Variants in HTR2C observed in about 807,000 individuals in gnomAD.
HTR2C encodes the protein 5-hydroxytryptamine receptor 2C.
Under a neutral mutation model 21.0 loss-of-function variants are expected in HTR2C, and 5 were observed. The ratio of observed to expected loss-of-function variants is 0.24; its 90% CI spans 0.12 to 0.50. The LOEUF is 0.50. HTR2C is among the 20% of genes least tolerant of loss of function. HTR2C has a pLI of 0.98. For synonymous variants in HTR2C, 150 were observed against 145.3 expected, an observed-to-expected ratio of 1.03 and a Z score of -0.23; for missense variants, 271 against 371.2, an observed-to-expected ratio of 0.73 and a Z score of 2.22.
chrX:114,632,001 C>T (rs1033358057), intron 2 of HTR2C, among the ~76,000 whole-genome samples: 2 of 111,960 alleles, frequency 1.8e-5, no homozygotes, highest in Non-Finnish European at 3.8e-5. Context: ...ATCCCAGTGC[C>T]TTTCATAAAG....
intron 2 of HTR2C, among the ~76,000 whole-genome samples, chrX:114,709,375 G>T (rs1487509158): frequency 1.1e-4 from 12 of 111,778 alleles, no homozygotes; most frequent in African/African-American, 3.9e-4. Context: ...TGGTTGATGG[G>T]ATTATCTCTG....
chrX:114,823,029 A>T (rs2070648354), intron 4 of HTR2C, among the ~76,000 whole-genome samples: 1 of 111,327 alleles, frequency 9.0e-6, no homozygotes, highest in Admixed American at 9.6e-5. Context: ...TTTGGTAAAA[A>T]GTGTGTGCAG....
At chrX:114,787,660 A>G (rs937550056) in intron 4 of HTR2C, among the ~76,000 whole-genome samples, 1 of 112,095 alleles carries the variant, frequency 8.9e-6, no homozygotes, top group Non-Finnish European at 1.9e-5. Context: ...AGAAGTCTTC[A>G]AAATAGGCCA....
chrX:114,613,138 C>T (rs782489888), intron 1 of HTR2C, among the ~76,000 whole-genome samples: 31 of 109,961 alleles, frequency 2.8e-4, no homozygotes, highest in African/African-American at 1.0e-3. Context: ...GGGGTTTGAT[C>T]ATGTTGGCCA....
At chrX:114,789,194 A>G (rs1415176679) in intron 4 of HTR2C, among the ~76,000 whole-genome samples, 1 of 112,202 alleles carries the variant, frequency 8.9e-6, no homozygotes, top group Admixed American at 9.5e-5. Flanking sequence ...AGAATTTGCA[A>G]CAGTTTAATT....
intron 4 of HTR2C, chrX:114,823,511 G>C (rs781791744): frequency 2.6e-5 from 9 of 345,488 alleles, no homozygotes; most frequent in Admixed American, 6.1e-5. Context: ...TCATATAAGA[G>C]GGGGCTGGCT....
intron 4 of HTR2C, among the ~76,000 whole-genome samples, chrX:114,782,499 C>T (rs1014602485): frequency 1.3e-4 from 14 of 110,897 alleles, no homozygotes; most frequent in African/African-American, 4.3e-4. Flanking sequence ...GGAGGAATGC[C>T]TTAGCCCAAG....
intron 4 of HTR2C, among the ~76,000 whole-genome samples, chrX:114,805,648 ACCATATATATAC>A (rs2070401275): frequency 1.0e-4 from 3 of 29,325 alleles, no homozygotes; most frequent in Non-Finnish European, 2.1e-4. Context: ...ATATATATAC[ACCATATATATAC>A]CATATATATA....
chrX:114,736,092 G>A (rs2069587870), intron 4 of HTR2C, among the ~76,000 whole-genome samples: 1 of 109,152 alleles, frequency 9.2e-6, no homozygotes, highest in Non-Finnish European at 1.9e-5. Flanking sequence ...CAGCCTGGGC[G>A]GCAGAGCGAG....
At chrX:114,867,456 T>G (rs2071054501) in intron 5 of HTR2C, among the ~76,000 whole-genome samples, 1 of 111,296 alleles carries the variant, frequency 9.0e-6, no homozygotes, top group Non-Finnish European at 1.9e-5. Flanking sequence ...TTCTGTGGGT[T>G]GTTTCTTCAC....
intron 2 of HTR2C, among the ~76,000 whole-genome samples, chrX:114,618,490 G>C (rs1462886775): frequency 9.0e-6 from 1 of 111,510 alleles, no homozygotes; most frequent in African/African-American, 3.3e-5. Context: ...ATAAAATATA[G>C]GTATAACTTA....
chrX:114,858,670 A>T (rs997871304), intron 5 of HTR2C, among the ~76,000 whole-genome samples: 3 of 111,163 alleles, frequency 2.7e-5, no homozygotes, highest in Admixed American at 9.6e-5. Context: ...TATCTTAAAA[A>T]TTTTTTTAAT....
chrX:114,757,677 G>T (rs781889492), intron 4 of HTR2C, among the ~76,000 whole-genome samples: 4 of 111,309 alleles, frequency 3.6e-5, no homozygotes, highest in Non-Finnish European at 5.7e-5. Flanking sequence ...TTTTTTCCTC[G>T]TCTGCTTAAA....
intron 2 of HTR2C, among the ~76,000 whole-genome samples, chrX:114,697,738 ACTT>A (rs1244593798): frequency 2.7e-5 from 3 of 111,932 alleles, no homozygotes; most frequent in South Asian, 3.7e-4. Context: ...CATCCTCATT[ACTT>A]CTTCTTGTAC....
intron 2 of HTR2C, among the ~76,000 whole-genome samples, chrX:114,704,882 CA>C (rs1244226768): frequency 9.4e-6 from 1 of 105,940 alleles, no homozygotes; most frequent in Non-Finnish European, 2.0e-5. Context: ...AATCAATGTG[CA>C]AAAATCACAA....
chrX:114,870,333 C>T (rs782213576), intron 5 of HTR2C, among the ~76,000 whole-genome samples: 1 of 110,604 alleles, frequency 9.0e-6, no homozygotes, highest in Non-Finnish European at 1.9e-5. Flanking sequence ...CTGCCCACCT[C>T]GGCCTCCAAA....
At chrX:114,723,349 A>T (rs1320466469) in intron 2 of HTR2C, among the ~76,000 whole-genome samples, 1 of 111,347 alleles carries the variant, frequency 9.0e-6, no homozygotes, top group African/African-American at 3.3e-5. Flanking sequence ...TTTCTGTGGG[A>T]TCAGTGGTAA....
intron 5 of HTR2C, among the ~76,000 whole-genome samples, chrX:114,889,256 A>G (rs1432074957): frequency 8.9e-6 from 1 of 112,056 alleles, no homozygotes; most frequent in Admixed American, 9.5e-5. Flanking sequence ...GACAGAGATT[A>G]CCTTAATTGC....
intron 2 of HTR2C, among the ~76,000 whole-genome samples, chrX:114,637,281 A>G (rs1022604263): frequency 9.0e-6 from 1 of 111,677 alleles, no homozygotes; most frequent in Non-Finnish European, 1.9e-5. Context: ...TGTCTTTTCA[A>G]ATATACTGCA....
Sources: allele counts gnomAD v4.1 joint callset (sites outside exome capture counted in the v4.1 genomes callset), GRCh38; gene constraint gnomAD v4.1.1; transcripts MANE v1.5; gene names NCBI Gene and HGNC (gene_info 2026-07-23, HGNC 2026-07-21).